Variants in WWOX observed in about 807,000 individuals in gnomAD.
WWOX encodes WW domain containing oxidoreductase, also known as WW domain-containing oxidoreductase.
In WWOX, 69 loss-of-function variants were observed where a neutral mutation model predicts 46.2. That is an observed-to-expected ratio of 1.49 (90% CI 1.23 to 1.82). WWOX has a LOEUF of 1.82. Among genes scored for constraint, WWOX ranks in the 40% most tolerant of loss-of-function variants. The probability of loss-of-function intolerance (pLI) is 0.00; values close to 1 mark genes in which losing one functional copy is unlikely to be tolerated. For missense variants in WWOX, 919 were observed against 542.6 expected, an observed-to-expected ratio of 1.69 and a Z score of -6.89; for synonymous variants, 359 against 202.6, an observed-to-expected ratio of 1.77 and a Z score of -6.56.
chr16:78,575,014 TATATATAA>T lies in WWOX; in HGVS notation c.1056+142270_1056+142277del, dbSNP rs1567654998. On this transcript the variant is annotated intron_variant, in intron 8 of 8. Transcript: ENST00000566780. ...TATTTTTCAATTATATATATATATATATATATAAATATATATATATATATATATATATA... is the reference window on the plus strand; with the variant it reads ...TATTTTTCAATTATATATATATATATATATATATATATATATATATATATA... Among the ~76,000 whole-genome samples the T allele has an allele frequency of 5.9e-4, 7 of 11,850 alleles. 2 individuals are homozygous for T. Among genetic ancestry groups the T allele is most frequent in the East Asian group, 2.2e-3 (1 of 462 alleles). The allele number at this position is 11,850 out of a possible 152,430, so 7.8% of individuals were successfully genotyped here.
intron 8 of WWOX, among the ~76,000 whole-genome samples, chr16:78,836,176 ATT>A (rs5818175): frequency 1.0e-4 from 15 of 147,540 alleles, no homozygotes; most frequent in Admixed American, 1.4e-4. Context: ...GTTAACATGC[ATT>A]TTTTTTTTTT....
At chr16:78,577,197 C>T (rs143940960) in intron 8 of WWOX, among the ~76,000 whole-genome samples, 1 of 152,138 alleles carries the variant, frequency 6.6e-6, no homozygotes, top group Admixed American at 6.5e-5. Flanking sequence ...GTTACATAAC[C>T]AAGCCCAGCT....
Position 78,109,818 on chromosome 16 carries a change from A to T in WWOX, c.213A>T (p.Gly71=), listed in dbSNP as rs750077963. 1 of 1,614,196 alleles carries T rather than the reference A, an allele frequency of 6.2e-7. No homozygotes were observed. The highest frequency in any genetic ancestry group is 2.2e-5 in the East Asian group (1 of 44,878). ...YGWEQETDEN[G]QVFFVDHINK... The stretch of plus-strand genomic sequence containing the variant: ...GGGAACAAGAAACTGATGAGAACGG[A>T]CAAGTGTTTTTTGTTGAGTAAGTGT... The change falls in exon 3 of 9, where the codon GGA becomes GGT. Residue 71 remains glycine (G), a synonymous_variant. Coordinates refer to ENST00000566780, the MANE Select transcript of WWOX (RefSeq NM_016373.4).
At chr16:79,026,400 T>A (rs943701024) in intron 8 of WWOX, among the ~76,000 whole-genome samples, 44 of 151,650 alleles carry the variant, frequency 2.9e-4, no homozygotes, top group African/African-American at 1.0e-3. Flanking sequence ...CAGACTCCCC[T>A]GGCCACGGTC....
At chr16:78,460,163 T>C (rs1377924521) in intron 8 of WWOX, among the ~76,000 whole-genome samples, 2 of 145,390 alleles carry the variant, frequency 1.4e-5, no homozygotes, top group African/African-American at 2.5e-5. Context: ...AGTCTCGCTC[T>C]TTTCCCCAGG....
intron 8 of WWOX, among the ~76,000 whole-genome samples, chr16:78,541,281 C>A (rs958067784): frequency 6.6e-6 from 1 of 150,754 alleles, no homozygotes; most frequent in African/African-American, 2.4e-5. Flanking sequence ...GAGACCATCC[C>A]GGCTAAAACG....
chr16:79,166,919 A>G (rs1398457650), intron 8 of WWOX, among the ~76,000 whole-genome samples: 1 of 151,994 alleles, frequency 6.6e-6, no homozygotes, highest in Non-Finnish European at 1.5e-5. Context: ...AACACTCGGT[A>G]AATTTCAACT....
At chr16:78,369,297 A>G (rs573602747) in intron 5 of WWOX, among the ~76,000 whole-genome samples, 7 of 152,220 alleles carry the variant, frequency 4.6e-5, no homozygotes, top group African/African-American at 1.4e-4. Context: ...TGAAACTCAC[A>G]TATTTCATAC....
chr16:78,562,563 C>T (rs1018682016), intron 8 of WWOX, among the ~76,000 whole-genome samples: 8 of 152,180 alleles, frequency 5.3e-5, no homozygotes, highest in African/African-American at 1.7e-4. Flanking sequence ...TGGCATTGCA[C>T]GTGCCTCCCT....
At chr16:79,019,698 T>C (rs544246153) in intron 8 of WWOX, among the ~76,000 whole-genome samples, 2 of 151,816 alleles carry the variant, frequency 1.3e-5, no homozygotes, top group African/African-American at 4.8e-5. Flanking sequence ...AGGGTGTAAT[T>C]GTTGCAGGCA....
At chr16:78,331,432 A>T (rs1336116565) in intron 5 of WWOX, among the ~76,000 whole-genome samples, 1 of 152,218 alleles carries the variant, frequency 6.6e-6, no homozygotes, top group Non-Finnish European at 1.5e-5. Flanking sequence ...TTACTTCATG[A>T]CAGTGTCTTA....
chr16:78,704,148 T>C (rs2048284002), intron 8 of WWOX, among the ~76,000 whole-genome samples: 2 of 151,604 alleles, frequency 1.3e-5, no homozygotes, highest in Non-Finnish European at 2.9e-5. Context: ...TTTTTTTTTT[T>C]AACCTCCAGC....
chr16:78,524,169 TTTTCTC>T (rs1248101566), intron 8 of WWOX, among the ~76,000 whole-genome samples: 1 of 152,198 alleles, frequency 6.6e-6, no homozygotes, highest in African/African-American at 2.4e-5. Flanking sequence ...TTTCTGCTCT[TTTTCTC>T]TTTATAAAGT....
At chr16:78,490,168 T>G (rs1394158272) in intron 8 of WWOX, among the ~76,000 whole-genome samples, 1 of 151,322 alleles carries the variant, frequency 6.6e-6, no homozygotes, top group Non-Finnish European at 1.5e-5. Context: ...TGGCGTTGGC[T>G]TTTACTTGGG....
chr16:79,007,598 A>G (rs566847409), intron 8 of WWOX, among the ~76,000 whole-genome samples: 2 of 152,356 alleles, frequency 1.3e-5, no homozygotes, highest in Admixed American at 1.3e-4. Flanking sequence ...GGCAAAAGGG[A>G]ATTTGCAGAA....
intron 5 of WWOX, among the ~76,000 whole-genome samples, chr16:78,354,312 C>CTTATTTT (rs2081241629): frequency 8.1e-6 from 1 of 123,306 alleles, no homozygotes; most frequent in South Asian, 2.5e-4. Context: ...ATGTGCTTAA[C>CTTATTTT]TTTTTTTTTT....
At chr16:78,175,585 A>G (rs959846486) in intron 5 of WWOX, among the ~76,000 whole-genome samples, 2 of 152,110 alleles carry the variant, frequency 1.3e-5, no homozygotes, top group Non-Finnish European at 2.9e-5. Flanking sequence ...CCCATGCAAC[A>G]AGGAATTGAG....
chr16:79,184,457 A>C (rs951802162), intron 8 of WWOX, among the ~76,000 whole-genome samples: 1 of 152,158 alleles, frequency 6.6e-6, no homozygotes, highest in African/African-American at 2.4e-5. Context: ...CACGCCTTGT[A>C]TGTTTCTGTT....
intron 8 of WWOX, among the ~76,000 whole-genome samples, chr16:79,070,654 G>A (rs1212780289): frequency 3.3e-5 from 5 of 152,188 alleles, no homozygotes; most frequent in South Asian, 4.1e-4. Context: ...GGGCGTGAGA[G>A]GGTATGCGAG....
Sources: gnomAD v4.1 joint callset for allele counts (sites outside exome capture counted in the v4.1 genomes callset) on GRCh38, gnomAD v4.1.1 for gene constraint, MANE v1.5 for transcripts, NCBI Gene and HGNC (gene_info 2026-07-23, HGNC 2026-07-21) for gene names.